The following PRDM6 variants were observed in gnomAD, a reference collection of about 807,000 sequenced individuals.
PRDM6 encodes PR/SET domain 6, also known as putative histone-lysine N-methyltransferase PRDM6.
Under a neutral mutation model 60.8 loss-of-function variants are expected in PRDM6, and 25 were observed. That is an observed-to-expected ratio of 0.41 (90% confidence interval 0.30 to 0.57). The LOEUF (loss-of-function observed/expected upper bound fraction) is 0.57. PRDM6 is among the 20% of genes least tolerant of loss of function. PRDM6 has a pLI of 0.27. For synonymous variants in PRDM6, 407 were observed against 357.4 expected (o/e 1.14, Z -1.57); for missense variants, 839 against 821.3 (o/e 1.02, Z -0.26).
At chr5:123,168,962 A>G (rs1012519017) in intron 5 of PRDM6, among the ~76,000 whole-genome samples, 1 of 152,246 alleles carries the variant, frequency 6.6e-6, no homozygotes, top group African/African-American at 2.4e-5. Context: ...GGATGCCTGC[A>G]TCTTCGTGCC....
At chr5:123,132,381 G>C (rs1299461762) in intron 3 of PRDM6, among the ~76,000 whole-genome samples, 1 of 151,430 alleles carries the variant, frequency 6.6e-6, no homozygotes, top group Non-Finnish European at 1.5e-5. Context: ...CTCTGTTGAA[G>C]TAACAGCAAG....
At chr5:123,117,627 G>A (rs1580491706) in intron 3 of PRDM6, among the ~76,000 whole-genome samples, 1 of 152,360 alleles carries the variant, frequency 6.6e-6, no homozygotes, top group South Asian at 2.1e-4. Flanking sequence ...TTTGGTTAGA[G>A]TCACTGATGG....
intron 4 of PRDM6, among the ~76,000 whole-genome samples, chr5:123,156,911 T>C (rs1274609898): frequency 6.6e-6 from 1 of 152,208 alleles, no homozygotes; most frequent in African/African-American, 2.4e-5. Context: ...ACGTGTGCTA[T>C]ATAAATATAT....
chr5:123,192,755 A>G lies in PRDM6; in HGVS notation c.*5554A>G, dbSNP rs1347330379. 6.6e-6 allele frequency: 1 copy of G among 152,230 alleles called. No individual in the cohort carries two copies. Among genetic ancestry groups the G allele is most frequent in the Admixed American group, 6.5e-5 (1 of 15,272 alleles). 9.4% of individuals were successfully genotyped at this position (152,230 alleles called of 1,614,324 possible). ...GTAAAAACACATCCTCAACGGGGCT[A>G]AGTGAAATCTCGTTTTCTTTCTTTG... is the stretch of plus-strand genomic sequence containing the variant. On this transcript the variant is annotated 3_prime_UTR_variant, in exon 8 of 8. Transcript: ENST00000407847.
chr5:123,161,511 A>T (rs1401581939), intron 5 of PRDM6, among the ~76,000 whole-genome samples: 1 of 152,218 alleles, frequency 6.6e-6, no homozygotes, highest in Non-Finnish European at 1.5e-5. Context: ...TTCACTGGGA[A>T]GGTGGCCTTT....
chr5:123,142,419 A>G (rs461226), intron 3 of PRDM6, among the ~76,000 whole-genome samples: 50,006 of 152,090 alleles, frequency 0.33, 8,641 homozygotes, highest in Middle Eastern at 0.37. Flanking sequence ...TCTAGCAACT[A>G]ATTAACTAGG....
intron 3 of PRDM6, among the ~76,000 whole-genome samples, chr5:123,131,749 A>G (rs1561837942): frequency 6.6e-6 from 1 of 152,242 alleles, no homozygotes; most frequent in East Asian, 1.9e-4. Flanking sequence ...ACTCAAATGT[A>G]TATTCTCAAG....
intron 4 of PRDM6, among the ~76,000 whole-genome samples, chr5:123,157,450 A>T (rs547421405): frequency 4.6e-4 from 70 of 152,228 alleles, no homozygotes; most frequent in South Asian, 2.5e-3. Context: ...ATTTGGGAAA[A>T]CAAGAACCCC....
intron 6 of PRDM6, among the ~76,000 whole-genome samples, chr5:123,175,302 G>A (rs1465554839): frequency 6.6e-6 from 1 of 152,130 alleles, no homozygotes; most frequent in African/African-American, 2.4e-5. Context: ...GGGCAAGTCT[G>A]CCTTCAGCCT....
intron 3 of PRDM6, among the ~76,000 whole-genome samples, chr5:123,138,950 T>A (rs1243274673): frequency 6.6e-6 from 1 of 152,214 alleles, no homozygotes; most frequent in Non-Finnish European, 1.5e-5. Flanking sequence ...GGGAGTGAGA[T>A]GATTGAATCA....
intron 3 of PRDM6, among the ~76,000 whole-genome samples, chr5:123,147,447 C>T (rs751780965): frequency 4.1e-4 from 62 of 152,186 alleles, no homozygotes; most frequent in Middle Eastern, 3.4e-3. Context: ...ATTGCTGCAA[C>T]GGAGAAGAGG....
At chr5:123,095,966 T>G (rs1156987391) in intron 2 of PRDM6, among the ~76,000 whole-genome samples, 3 of 151,992 alleles carry the variant, frequency 2.0e-5, no homozygotes, top group African/African-American at 4.8e-5. Flanking sequence ...TTAAAGACAT[T>G]GAAACAACAC....
At chr5:123,117,430 A>G (rs1764481651) in intron 3 of PRDM6, among the ~76,000 whole-genome samples, 1 of 152,100 alleles carries the variant, frequency 6.6e-6, no homozygotes, top group Non-Finnish European at 1.5e-5. Context: ...TCCTCTGGCC[A>G]AGGCAGTGGC....
intron 4 of PRDM6, among the ~76,000 whole-genome samples, chr5:123,158,535 T>G (rs1260727778): frequency 6.6e-6 from 1 of 152,216 alleles, no homozygotes; most frequent in African/African-American, 2.4e-5. Context: ...AGTACAATAT[T>G]GAGAATCTGC....
chr5:123,174,955 C>T lies in PRDM6; in HGVS notation c.1496+3847C>T, dbSNP rs901227085. Among the ~76,000 whole-genome samples, 6 of 152,162 alleles carry T rather than the reference C, an allele frequency of 3.9e-5. 1 individual carries two copies. The highest frequency in any genetic ancestry group is 1.9e-4 in the East Asian group (1 of 5,198). On this transcript the variant is annotated intron_variant, in intron 6 of 7. Transcript: ENST00000407847. ...GACTTTTTCTTTTCCTGAATAAATT[C>T]GAAGAGAAGCAGCTGTTGGAATCTA... is the stretch of plus-strand genomic sequence containing the variant.
intron 2 of PRDM6, among the ~76,000 whole-genome samples, chr5:123,091,624 A>G (rs1763843731): frequency 6.6e-6 from 1 of 152,228 alleles, no homozygotes; most frequent in Non-Finnish European, 1.5e-5. Context: ...TACTGTGTTT[A>G]CACCTATACT....
At chr5:123,171,196 G>GCTTCCCCTGT in intron 6 of PRDM6, 88 bp downstream of exon 6, 3 of 1,075,026 alleles carry the variant, frequency 2.8e-6, no homozygotes, top group Non-Finnish European at 4.0e-6. Flanking sequence ...CCTCCACAGG[G>GCTTCCCCTGT]GAAGCCCTGT....
intron 3 of PRDM6, among the ~76,000 whole-genome samples, chr5:123,117,758 G>A (rs987740569): frequency 2.7e-5 from 3 of 112,234 alleles, no homozygotes; most frequent in African/African-American, 6.8e-5. Context: ...TGAATGTGAA[G>A]GCCTAAACAG....
chr5:123,173,016 C>G (rs564492149), intron 6 of PRDM6, among the ~76,000 whole-genome samples: 148 of 152,038 alleles, frequency 9.7e-4, no homozygotes, highest in African/African-American at 3.1e-3. Flanking sequence ...ACGGTGAAAC[C>G]CTGTCTCTAC....
Sources: allele counts gnomAD v4.1 joint callset (sites outside exome capture counted in the v4.1 genomes callset), GRCh38; gene constraint gnomAD v4.1.1; transcripts MANE v1.5; gene names NCBI Gene and HGNC (gene_info 2026-07-23, HGNC 2026-07-21).